DAPK2: variants seen among roughly 807,000 people sequenced by gnomAD.
DAPK2 encodes death-associated protein kinase 2.
In DAPK2, 35 loss-of-function variants were observed where a neutral mutation model predicts 44.1. The observed-to-expected ratio is 0.79, with a 90% CI of 0.61 to 1.05. DAPK2 has a LOEUF of 1.05. DAPK2 is among the 50% of genes least tolerant of loss of function. The pLI is 0.00. For missense variants in DAPK2, 453 were observed against 483.2 expected, an observed-to-expected ratio of 0.94 and a Z score of 0.59; for synonymous variants, 174 against 182.6, an observed-to-expected ratio of 0.95 and a Z score of 0.38.
intron 2 of DAPK2, among the ~76,000 whole-genome samples, chr15:63,978,886 T>A (rs2078427334): frequency 6.6e-6 from 1 of 152,206 alleles, no homozygotes; most frequent in African/African-American, 2.4e-5. Context: ...CAGGGTGGCA[T>A]GCCTGCTGGA....
upstream of DAPK2, chr15:64,046,337 CGCGGCGGGA>C (rs1192170330): frequency 1.4e-4 from 29 of 202,214 alleles, 1 homozygote; most frequent in South Asian, 4.2e-4. The surrounding 1 kb of genome is among the most constrained non-coding windows in gnomAD (Gnocchi z 5.3). Context: ...CCGCGGCAGG[CGCGGCGGGA>C]GCGGCGGGCG....
At chr15:63,907,186 G>C (rs752593811) in exon 11 of DAPK2, 2 of 152,100 alleles carry the variant, frequency 1.3e-5, no homozygotes, top group Admixed American at 1.3e-4. Context: ...GGTCTTTCCT[G>C]CGTGTCCTAA....
At chr15:63,973,808 G>A (rs2078275946) in intron 2 of DAPK2, among the ~76,000 whole-genome samples, 1 of 152,182 alleles carries the variant, frequency 6.6e-6, no homozygotes, top group Admixed American at 6.5e-5. Context: ...CGGAACAAAT[G>A]CTGTGCCAGA....
At chr15:64,004,093 T>TCTCTCTCG (rs150850728) in intron 1 of DAPK2, among the ~76,000 whole-genome samples, 6,134 of 152,128 alleles carry the variant, frequency 0.04, 410 homozygotes, top group African/African-American at 0.14. Context: ...TCTCTCTCTC[T>TCTCTCTCG]CTCTCTCCCT....
chr15:63,915,507 A>G (rs2078904025), intron 8 of DAPK2, among the ~76,000 whole-genome samples: 1 of 152,122 alleles, frequency 6.6e-6, no homozygotes, highest in Non-Finnish European at 1.5e-5. Flanking sequence ...CTTTTTGCCC[A>G]CTTACTGATT....
intron 1 of DAPK2, among the ~76,000 whole-genome samples, chr15:64,004,047 A>G (rs566615633): frequency 3.3e-5 from 5 of 152,146 alleles, no homozygotes; most frequent in Non-Finnish European, 4.4e-5. Flanking sequence ...ATTGCAAATG[A>G]TATGTCTCTT....
In DAPK2 at chr15:63,971,115, G is replaced by A. The variant is rs529925312; in HGVS notation, c.453+308C>T. On this transcript the variant is annotated intron_variant, in intron 3 of 10. Transcript: ENST00000261891. ...TCTTGTGAAAGGTGTTTGGTTTCAA[G>A]TTTCCTGTCACTGGTCTACTTATTT... 2.4e-4 allele frequency among the ~76,000 whole-genome samples: 36 copies of A among 152,324 alleles called. 1 individual carries two copies. The highest frequency in any genetic ancestry group is 6.8e-3 in the Middle Eastern group (2 of 294).
At chr15:63,922,634 C>T in intron 8 of DAPK2, 1 of 1,436,702 alleles carries the variant, frequency 7.0e-7, no homozygotes, top group Non-Finnish European at 9.1e-7. Flanking sequence ...ACTACAGACA[C>T]ACACCCCTGC....
intron 1 of DAPK2, among the ~76,000 whole-genome samples, chr15:63,993,981 C>T (rs762974587): frequency 8.5e-5 from 13 of 152,254 alleles, no homozygotes; most frequent in African/African-American, 3.1e-4. Context: ...TGATCTGTCA[C>T]GTGTCAGCCA....
At chr15:63,911,432 A>G (rs549363291) in intron 10 of DAPK2, 1 of 179,490 alleles carries the variant, frequency 5.6e-6, no homozygotes, top group East Asian at 1.4e-4. Context: ...ATATTCTGTT[A>G]TAAGCTACTC....
At chr15:63,984,438 G>A (rs1486613845) in intron 1 of DAPK2, among the ~76,000 whole-genome samples, 2 of 152,162 alleles carry the variant, frequency 1.3e-5, no homozygotes, top group Non-Finnish European at 2.9e-5. Flanking sequence ...TTACTCCAGG[G>A]ACAGAGACAG....
At chr15:63,967,933 G>A (rs2078102333) in intron 3 of DAPK2, among the ~76,000 whole-genome samples, 1 of 152,238 alleles carries the variant, frequency 6.6e-6, no homozygotes, top group Non-Finnish European at 1.5e-5. Context: ...TAAGGGTGTG[G>A]AGACAACATG....
rs554807261 is a variant in DAPK2, at chr15:64,000,356, C to T, written c.93-16602G>A. Among the ~76,000 whole-genome samples, 51 of 152,276 alleles carry T rather than the reference C, an allele frequency of 3.3e-4. No individual in the cohort carries two copies. The Middle Eastern group carries it at 0.02, about 61-fold the overall frequency. ...AGAAACCTTTCTCCCTGAACAAATA[C>T]GTGCACCAAGCATACCTGGACTTTG... On this transcript the variant is annotated intron_variant, in intron 1 of 10. Coordinates refer to ENST00000261891, the Ensembl canonical transcript of DAPK2.
chr15:63,989,127 C>G (rs188462482), intron 1 of DAPK2, among the ~76,000 whole-genome samples: 1 of 149,482 alleles, frequency 6.7e-6, no homozygotes, highest in Non-Finnish European at 1.5e-5. Context: ...TACCAGTGAG[C>G]CGAGATCATG....
At chr15:63,949,238 A>C (rs988525816) in intron 3 of DAPK2, among the ~76,000 whole-genome samples, 8 of 152,214 alleles carry the variant, frequency 5.3e-5, no homozygotes, top group Non-Finnish European at 8.8e-5. Context: ...GGGGTAGGCC[A>C]CTGTGTGGCT....
chr15:63,996,480 G>A (rs2078951688), intron 1 of DAPK2, among the ~76,000 whole-genome samples: 1 of 152,070 alleles, frequency 6.6e-6, no homozygotes, highest in African/African-American at 2.4e-5. Context: ...AAATAAATGA[G>A]ACACCCGGGC....
At chr15:64,009,005 G>C (rs2141010352) in intron 1 of DAPK2, among the ~76,000 whole-genome samples, 1 of 152,322 alleles carries the variant, frequency 6.6e-6, no homozygotes, top group South Asian at 2.1e-4. Context: ...AAGTTGGCCA[G>C]AATTTATTGT....
intron 5 of DAPK2, chr15:63,929,830 G>A (rs1247364931): frequency 3.1e-6 from 2 of 651,096 alleles, no homozygotes; most frequent in African/African-American, 1.8e-5. Flanking sequence ...TGCAGGCTGT[G>A]TGATTTAGGT....
At position 64,046,244 on chromosome 15, in the gene DAPK2, G is replaced by T. The variant is rs1292454556; in HGVS notation, c.-7+54C>A. 3.7e-6 allele frequency: 3 copies of T among 816,698 alleles called. No homozygotes were observed. Among genetic ancestry groups the T allele is most frequent in the South Asian group, 5.6e-5 (1 of 17,850 alleles). The allele number at this position is 816,698 out of a possible 1,614,324, so 50.6% of individuals were successfully genotyped here. ...AGCCCCAGACCCGGGCGCTGCTGCC[G>T]TCAGGCCGCGCGCCCCGTCCCGCCC... On this transcript the variant is annotated intron_variant, in intron 1 of 11. Coordinates refer to the DAPK2 transcript ENST00000457488. This position sits in a 1 kb window ranked among gnomAD's most constrained non-coding sequence, Gnocchi z 5.3.
Sources: allele counts gnomAD v4.1 joint callset (sites outside exome capture counted in the v4.1 genomes callset), GRCh38; gene constraint gnomAD v4.1.1; non-coding constraint Gnocchi (gnomAD v3.1); transcripts MANE v1.5; gene names NCBI Gene and HGNC (gene_info 2026-07-23, HGNC 2026-07-21).